PKD1L3: variants seen among roughly 807,000 people sequenced by gnomAD.
PKD1L3 encodes the protein polycystin-1-like protein 3.
A neutral mutation model predicts 184.1 loss-of-function variants in PKD1L3; 239 were observed. The observed-to-expected ratio is 1.30, with a 90% CI of 1.17 to 1.45. PKD1L3 has a LOEUF of 1.45. Among genes scored for constraint, PKD1L3 ranks in the 40% most tolerant of loss-of-function variants. The pLI is 0.00. For synonymous variants in PKD1L3, 996 were observed against 778.8 expected (o/e 1.28, Z -4.64); for missense variants, 2,660 against 2,067.2 (o/e 1.29, Z -5.56).
chr16:71,942,656 T>C lies in PKD1L3; in HGVS notation c.4228A>G (p.Ile1410Val), dbSNP rs779026000. 88 of 1,551,612 alleles carry C rather than the reference T, an allele frequency of 5.7e-5. 2 individuals are homozygous for C. The South Asian group carries it at 7.5e-4, about 13-fold the overall frequency. The change falls in exon 24 of 30, where the codon ATC becomes GTC. Residue 1410 changes from isoleucine (I) to valine (V), a missense_variant. Transcript: ENST00000620267. ...PGLHLRRFSY[I>V]CSPRPMVLIP... ...AGCACCATGGGCCTGGGTGAACAGA[T>C]GTAACTGAACCTCCTTAGATGAAGT...
chr16:71,995,601 G>C (rs1279225469), intron 2 of PKD1L3, among the ~76,000 whole-genome samples: 3 of 152,156 alleles, frequency 2.0e-5, no homozygotes, highest in Non-Finnish European at 2.9e-5. Context: ...GCAGTACATG[G>C]AGATTGTTGT....
intron 27 of PKD1L3, among the ~76,000 whole-genome samples, 180 bp from the exon 28 acceptor site, chr16:71,933,701 G>T (rs563371971): frequency 6.6e-6 from 1 of 152,224 alleles, no homozygotes; most frequent in South Asian, 2.1e-4. Context: ...AAGTTTATTT[G>T]ACCTTTATAT....
At chr16:71,945,428 A>ATATG (rs1426024608) in intron 22 of PKD1L3, among the ~76,000 whole-genome samples, 23 of 143,856 alleles carry the variant, frequency 1.6e-4, no homozygotes, top group African/African-American at 5.9e-4. Flanking sequence ...ATTTATTTAT[A>ATATG]TATGTATTGG....
At chr16:71,952,104 A>G (rs141324387) in intron 18 of PKD1L3, among the ~76,000 whole-genome samples, 1 of 151,880 alleles carries the variant, frequency 6.6e-6, no homozygotes, top group Non-Finnish European at 1.5e-5. Context: ...AGGAATTGGG[A>G]AAAATATATT....
chr16:71,995,257 G>C (rs1275200700), intron 2 of PKD1L3, among the ~76,000 whole-genome samples: 1 of 141,604 alleles, frequency 7.1e-6, no homozygotes, highest in Non-Finnish European at 1.5e-5. Flanking sequence ...GAGGAGCCCT[G>C]TAGGCCAACC....
chr16:71,981,500 T>G (rs909826538), intron 7 of PKD1L3, among the ~76,000 whole-genome samples: 1 of 151,838 alleles, frequency 6.6e-6, no homozygotes, highest in Admixed American at 6.6e-5. Context: ...CATAACCTGT[T>G]GAGTGTTTGC....
intron 2 of PKD1L3, among the ~76,000 whole-genome samples, chr16:71,996,331 G>A (rs1195100234): frequency 1.4e-5 from 2 of 138,220 alleles, no homozygotes; most frequent in Non-Finnish European, 3.0e-5. Context: ...GCGCAATCTT[G>A]GCTGACTGCA....
In PKD1L3 at chr16:71,929,598, A is replaced by AGAT. The variant is rs1301468858; in HGVS notation, c.5136_5138dup (p.Ser1713dup). On this transcript the variant is annotated inframe_insertion, in exon 30 of 30. Transcript: ENST00000620267. Reference sequence around the variant, plus strand: ...CCACTGCTGTCGTGGCTGCTTGCTCAGATGAGGTTTTTTGGGGCCAACTGA... The same window carrying AGAT: ...CCACTGCTGTCGTGGCTGCTTGCTCAGATGATGAGGTTTTTTGGGGCCAACTGA... 1 of 1,551,848 alleles carries AGAT rather than the reference A, an allele frequency of 6.4e-7. No homozygotes were observed. Among genetic ancestry groups the AGAT allele is most frequent in the East Asian group, 2.4e-5 (1 of 40,928 alleles).
In PKD1L3 at chr16:71,964,179, A is replaced by G. The variant is rs533338851; in HGVS notation, c.2466-828T>C. Reference sequence around the variant, plus strand: ...CGTTCACACCCCTGTCCTCTGGGACACCTGATTATTCAACCTGTTTGATTT... The same window carrying G: ...CGTTCACACCCCTGTCCTCTGGGACGCCTGATTATTCAACCTGTTTGATTT... On this transcript the variant is annotated intron_variant, in intron 15 of 29. Transcript: ENST00000620267. Among the ~76,000 whole-genome samples, 4 of 152,110 alleles carry G rather than the reference A, an allele frequency of 2.6e-5. No individual in the cohort carries two copies. In the East Asian group the frequency reaches 7.7e-4, roughly 29 times the overall value.
chr16:71,981,186 A>G (rs1321519220), intron 7 of PKD1L3, among the ~76,000 whole-genome samples: 1 of 152,236 alleles, frequency 6.6e-6, no homozygotes, highest in Non-Finnish European at 1.5e-5. Flanking sequence ...ATGCTGCTAC[A>G]AACTTGAGTG....
intron 2 of PKD1L3, among the ~76,000 whole-genome samples, chr16:71,993,937 A>C (rs2040688815): frequency 6.6e-6 from 1 of 151,874 alleles, no homozygotes; most frequent in Non-Finnish European, 1.5e-5. Flanking sequence ...ACCACGCCTA[A>C]TTTTTTATTT....
chr16:71,941,903 A>T (rs1472224826), intron 24 of PKD1L3, among the ~76,000 whole-genome samples: 3 of 151,824 alleles, frequency 2.0e-5, no homozygotes, highest in Non-Finnish European at 1.5e-5. Flanking sequence ...TTCTTTCATA[A>T]CTCAGAGGAC....
rs2039530667 is a variant in PKD1L3, at chr16:71,967,184, C to T, written c.2418G>A (p.Leu806=). The change falls in exon 15 of 30, where the codon CTG becomes CTA. Residue 806 remains leucine, a synonymous_variant. Transcript: ENST00000620267. ...LLTTWTSLGN[L]HSLRLWHDNS... Reference sequence around the variant, plus strand: ...TGTCATGCCAGAGCCGAAGGCTGTGCAGGTTCCCTAGAGAGGTCCAAGTGG... The same window carrying T: ...TGTCATGCCAGAGCCGAAGGCTGTGTAGGTTCCCTAGAGAGGTCCAAGTGG... 6.4e-7 allele frequency: 1 copy of T among 1,551,690 alleles called. No individual in the cohort carries two copies. Among genetic ancestry groups the T allele is most frequent in the East Asian group, 2.4e-5 (1 of 40,922 alleles).
At chr16:71,999,270 CA>C (rs371727093) in intron 1 of PKD1L3, among the ~76,000 whole-genome samples, 224 of 102,498 alleles carry the variant, frequency 2.2e-3, no homozygotes, top group African/African-American at 3.4e-3. Context: ...GACTCCATCT[CA>C]AAAAAAAAAA....
intron 9 of PKD1L3, among the ~76,000 whole-genome samples, chr16:71,979,243 A>T (rs1050277203): frequency 1.5e-4 from 23 of 152,200 alleles, no homozygotes; most frequent in Admixed American, 1.0e-3. Flanking sequence ...CCGTAGTTTG[A>T]GACCAGTCTG....
chr16:71,937,585 G>T (rs1044745427), intron 24 of PKD1L3, among the ~76,000 whole-genome samples, 166 bp from the exon 25 acceptor site: 1 of 152,182 alleles, frequency 6.6e-6, no homozygotes, highest in Admixed American at 6.5e-5. Context: ...CATTAAAGGA[G>T]ATCATGTATG....
At chr16:71,966,306 A>G (rs1480361801) in intron 15 of PKD1L3, among the ~76,000 whole-genome samples, 1 of 152,142 alleles carries the variant, frequency 6.6e-6, no homozygotes, top group Non-Finnish European at 1.5e-5. Context: ...CAAGGAAGAT[A>G]CTGAATCATT....
Position 71,969,213 on chromosome 16 carries a change from G to A in PKD1L3, c.2184+662C>T, listed in dbSNP as rs144435798. On this transcript the variant is annotated intron_variant, in intron 13 of 29. Coordinates refer to ENST00000620267, the MANE Select transcript of PKD1L3 (RefSeq NM_181536.2). Reference sequence around the variant, plus strand: ...CCCAAAGTGCTGGGATTACAGGCGTGAGCCACTGCACCCAGCCAAGTTACA... The same window carrying A: ...CCCAAAGTGCTGGGATTACAGGCGTAAGCCACTGCACCCAGCCAAGTTACA... 6.7e-3 allele frequency among the ~76,000 whole-genome samples: 1,024 copies of A among 152,330 alleles called. 9 individuals carry two copies. Among genetic ancestry groups the A allele is most frequent in the African/African-American group, 0.022 (903 of 41,572 alleles).
intron 10 of PKD1L3, 72 bp from the exon 11 acceptor site, chr16:71,977,539 A>G (rs1003000245): frequency 9.1e-6 from 10 of 1,101,256 alleles, no homozygotes; most frequent in Non-Finnish European, 1.2e-5. Context: ...TATATTGATA[A>G]GGTAAGGAAA....
Sources: gnomAD v4.1 joint callset for allele counts (sites outside exome capture counted in the v4.1 genomes callset) on GRCh38, gnomAD v4.1.1 for gene constraint, MANE v1.5 for transcripts, NCBI Gene and HGNC (gene_info 2026-07-23, HGNC 2026-07-21) for gene names.